The following TXNDC16 variants were observed in gnomAD, a reference collection of about 807,000 sequenced individuals.
TXNDC16 encodes thioredoxin domain containing 16.
In TXNDC16, 74 loss-of-function variants were observed where a neutral mutation model predicts 85.6. The ratio of observed to expected loss-of-function variants is 0.86; its 90% CI spans 0.72 to 1.05. The LOEUF is 1.05. Among genes scored for constraint, TXNDC16 ranks in the 50% least tolerant of loss-of-function variants. The pLI is 0.00. For missense variants in TXNDC16, 959 were observed against 947.0 expected (o/e 1.01, Z -0.17); for synonymous variants, 335 against 326.5 (o/e 1.03, Z -0.28).
chr14:52,538,869 G>C (rs1201331514), intron 4 of TXNDC16, among the ~76,000 whole-genome samples: 1 of 152,094 alleles, frequency 6.6e-6, no homozygotes, highest in Non-Finnish European at 1.5e-5. Flanking sequence ...CTACAAAACA[G>C]GAACTGACAC....
intron 4 of TXNDC16, among the ~76,000 whole-genome samples, chr14:52,540,906 C>G: frequency 6.6e-6 from 1 of 152,138 alleles, no homozygotes; most frequent in Admixed American, 6.6e-5. Flanking sequence ...GCCACTATCT[C>G]CTTTCCAGAT....
At chr14:52,482,079 T>C (rs2036163132) in intron 14 of TXNDC16, 151 bp downstream of exon 14, 1 of 616,438 alleles carries the variant, frequency 1.6e-6, no homozygotes, top group Non-Finnish European at 2.7e-6. Context: ...CTAAGCACTC[T>C]TGAAACTCCT....
At chr14:52,549,221 T>C (rs922721596) in intron 1 of TXNDC16, among the ~76,000 whole-genome samples, 2 of 152,188 alleles carry the variant, frequency 1.3e-5, no homozygotes, top group African/African-American at 4.8e-5. Context: ...AGAGTTGACA[T>C]ATAAGATGTA....
At position 52,506,524 on chromosome 14, in the gene TXNDC16, ACC is replaced by A. The variant is rs1466825885; in HGVS notation, c.756+4714_756+4715del. ...AAAAGGCCTTTGACAAATTTCAACA[ACC>A]CTTTTTTTTTTTTTTTTTTTTTTTT... is the stretch of plus-strand genomic sequence containing the variant. On this transcript the variant is annotated intron_variant, in intron 9 of 20. Transcript: ENST00000281741. Among the ~76,000 whole-genome samples the A allele has an allele frequency of 6.2e-5, 7 of 112,456 alleles. 1 individual carries two copies. Among genetic ancestry groups the A allele is most frequent in the African/African-American group, 7.5e-5 (2 of 26,842 alleles). The allele number at this position is 112,456 out of a possible 152,430, so 73.8% of individuals were successfully genotyped here.
rs199917877 is a variant in TXNDC16 at position 52,470,173 on chromosome 14, G to C, written c.1482C>G (p.Leu494=). 2.7e-5 allele frequency: 43 copies of C among 1,592,782 alleles called. No individual in the cohort carries two copies. Among genetic ancestry groups the C allele is most frequent in the Non-Finnish European group, 3.5e-5 (41 of 1,170,552 alleles). Residue 494 remains leucine (L), a splice_region_variant and synonymous_variant, in exon 16 of 21, where the codon CTC becomes CTG. Transcript: ENST00000281741. ...GTEDLLKFIQ[L]NRISYPVNIT... The stretch of plus-strand genomic sequence containing the variant: ...TATTCACTGGATATGAAATCCTGTT[G>C]CTGGATAAACATATAACTATATTAC...
At chr14:52,454,407 C>T (rs970920511) in intron 18 of TXNDC16, among the ~76,000 whole-genome samples, 11 of 140,270 alleles carry the variant, frequency 7.8e-5, no homozygotes, top group South Asian at 2.3e-4. Context: ...GCCTGGGTGA[C>T]GGAAGTGAAA....
chr14:52,455,802 G>A (rs561791597), intron 17 of TXNDC16, among the ~76,000 whole-genome samples: 19 of 152,310 alleles, frequency 1.2e-4, no homozygotes, highest in African/African-American at 4.6e-4. Context: ...ACAATGCTGA[G>A]TAAGAAAATG....
At chr14:52,515,018 G>C (rs2037048910) in intron 7 of TXNDC16, 48 bp from the exon 8 acceptor site, 1 of 1,372,416 alleles carries the variant, frequency 7.3e-7, no homozygotes. Flanking sequence ...AATAGTTTGT[G>C]TGACTCTATG....
chr14:52,532,725 C>A (rs913599461), intron 6 of TXNDC16, among the ~76,000 whole-genome samples: 27 of 151,848 alleles, frequency 1.8e-4, no homozygotes, highest in Non-Finnish European at 1.5e-5. Flanking sequence ...CGTGAGCCAC[C>A]GCACCCAGCC....
intron 18 of TXNDC16, among the ~76,000 whole-genome samples, chr14:52,453,841 C>G (rs1260626751): frequency 6.6e-6 from 1 of 151,960 alleles, no homozygotes; most frequent in Non-Finnish European, 1.5e-5. Context: ...CACATCCTCA[C>G]CAGCATTTGC....
chr14:52,450,620 G>A (rs1328836411), intron 18 of TXNDC16, among the ~76,000 whole-genome samples: 2 of 151,982 alleles, frequency 1.3e-5, no homozygotes, highest in African/African-American at 4.8e-5. Flanking sequence ...ACAGATGTTG[G>A]CATGGATGTG....
intron 14 of TXNDC16, among the ~76,000 whole-genome samples, 184 bp downstream of exon 14, chr14:52,482,046 A>C (rs892324052): frequency 6.6e-6 from 1 of 152,134 alleles, no homozygotes; most frequent in African/African-American, 2.4e-5. Context: ...CAGTTCTATG[A>C]AGACAAATCA....
chr14:52,515,940 T>G (rs910614486), intron 7 of TXNDC16, among the ~76,000 whole-genome samples: 6 of 152,132 alleles, frequency 3.9e-5, no homozygotes, highest in African/African-American at 1.4e-4. Context: ...CCACTTTCCC[T>G]TTTTGAGAAA....
intron 16 of TXNDC16, among the ~76,000 whole-genome samples, chr14:52,461,838 T>C (rs1201622230): frequency 6.6e-6 from 1 of 152,248 alleles, no homozygotes; most frequent in Admixed American, 6.5e-5. Context: ...GACCAGCTTA[T>C]AGTAAGATGT....
intron 9 of TXNDC16, among the ~76,000 whole-genome samples, chr14:52,503,140 C>T (rs566578164): frequency 6.6e-6 from 1 of 152,358 alleles, no homozygotes; most frequent in African/African-American, 2.4e-5. Context: ...CTGTAGACTC[C>T]ACCTCTGGGG....
At chr14:52,529,680 A>G (rs1421149873) in intron 6 of TXNDC16, among the ~76,000 whole-genome samples, 1 of 111,746 alleles carries the variant, frequency 8.9e-6, no homozygotes, top group African/African-American at 3.8e-5. Flanking sequence ...TATATAATAT[A>G]TATAATGCCT....
intron 18 of TXNDC16, among the ~76,000 whole-genome samples, chr14:52,454,685 G>A (rs6572846): frequency 0.1 from 15,330 of 146,020 alleles, 947 homozygotes; most frequent in East Asian, 0.19. Context: ...GTGTAGTAGT[G>A]AGCGCCTGTA....
intron 9 of TXNDC16, among the ~76,000 whole-genome samples, chr14:52,509,646 A>C (rs943705370): frequency 6.6e-6 from 1 of 151,474 alleles, no homozygotes; most frequent in Non-Finnish European, 1.5e-5. Context: ...GTATAATAAT[A>C]ATAAAAAAAT....
At chr14:52,477,337 T>C (rs1277795734) in intron 14 of TXNDC16, among the ~76,000 whole-genome samples, 1 of 152,122 alleles carries the variant, frequency 6.6e-6, no homozygotes, top group Non-Finnish European at 1.5e-5. Flanking sequence ...ATACTAACAT[T>C]GAATGTAAAT....
Sources: allele counts gnomAD v4.1 joint callset (sites outside exome capture counted in the v4.1 genomes callset), GRCh38; gene constraint gnomAD v4.1.1; transcripts MANE v1.5; gene names NCBI Gene and HGNC (gene_info 2026-07-23, HGNC 2026-07-21).